The following SLCO5A1 variants were observed in gnomAD, a reference collection of about 807,000 sequenced individuals.
SLCO5A1 encodes the protein organic anion transporter polypeptide-related protein 4.
In SLCO5A1, 39 loss-of-function variants were observed where a neutral mutation model predicts 65.1. That is an observed-to-expected ratio of 0.60 (90% CI 0.46 to 0.78). The LOEUF (loss-of-function observed/expected upper bound fraction) is 0.78. Among genes scored for constraint, SLCO5A1 ranks in the 30% least tolerant of loss-of-function variants. The pLI is 0.00. For synonymous variants in SLCO5A1, 438 were observed against 415.7 expected, an observed-to-expected ratio of 1.05 and a Z score of -0.65; for missense variants, 1,029 against 1,069.4, an observed-to-expected ratio of 0.96 and a Z score of 0.53.
At chr8:69,705,310 AGTACTGAG>A (rs1156845943) in intron 5 of SLCO5A1, 81 bp from the exon 6 acceptor site, 4 of 1,372,016 alleles carry the variant, frequency 2.9e-6, no homozygotes, top group Non-Finnish European at 4.0e-6. Context: ...CTTGCTCAGT[AGTACTGAG>A]GTAAAAAATC....
chr8:69,767,909 AAAC>A (rs1428844534), intron 2 of SLCO5A1, among the ~76,000 whole-genome samples: 5,679 of 140,448 alleles, frequency 0.04, 413 homozygotes, highest in African/African-American at 0.12. Flanking sequence ...AAAAAAAAAA[AAAC>A]AAAAAGAAAA....
At chr8:69,693,334 G>A (rs940858473) in intron 6 of SLCO5A1, among the ~76,000 whole-genome samples, 1 of 152,122 alleles carries the variant, frequency 6.6e-6, no homozygotes, top group Admixed American at 6.5e-5. Context: ...GGCTTCACAG[G>A]AAAAGCTCAT....
At chr8:69,784,437 G>A (rs1818923708) in intron 2 of SLCO5A1, among the ~76,000 whole-genome samples, 1 of 152,152 alleles carries the variant, frequency 6.6e-6, no homozygotes. Flanking sequence ...TACATCGCTG[G>A]TGGGAATGCA....
intron 6 of SLCO5A1, among the ~76,000 whole-genome samples, chr8:69,688,227 A>T (rs1048671815): frequency 1.3e-5 from 2 of 152,208 alleles, no homozygotes; most frequent in African/African-American, 4.8e-5. Context: ...ATCCAAAAAC[A>T]TGTATGTCTA....
intron 5 of SLCO5A1, among the ~76,000 whole-genome samples, chr8:69,710,180 G>A (rs1321512881): frequency 6.6e-6 from 1 of 151,892 alleles, no homozygotes; most frequent in Non-Finnish European, 1.5e-5. Flanking sequence ...AACCACGACC[G>A]GCTAATTTTT....
intron 3 of SLCO5A1, among the ~76,000 whole-genome samples, chr8:69,757,082 A>C (rs1817569461): frequency 6.6e-6 from 1 of 152,280 alleles, no homozygotes; most frequent in Non-Finnish European, 1.5e-5. Context: ...TAATGTTTCT[A>C]TTAAAGTGCT....
chr8:69,784,911 AAAGAAAGAAAGAAAG>A (rs1255361375), intron 2 of SLCO5A1, among the ~76,000 whole-genome samples: 1 of 112,934 alleles, frequency 8.9e-6, no homozygotes, highest in Non-Finnish European at 1.8e-5. Flanking sequence ...AGAAAGAAAG[AAAGAAAGAAAGAAAG>A]AAAGAAAGAA....
chr8:69,691,284 C>G (rs1322858559), intron 6 of SLCO5A1, among the ~76,000 whole-genome samples: 1 of 152,130 alleles, frequency 6.6e-6, no homozygotes, highest in East Asian at 1.9e-4. Context: ...CTCTCACGAT[C>G]TTTCAAAATG....
intron 2 of SLCO5A1, among the ~76,000 whole-genome samples, chr8:69,822,091 G>A (rs368108102): frequency 4.5e-4 from 68 of 151,218 alleles, no homozygotes; most frequent in African/African-American, 1.3e-3. Context: ...GTGCCATTGC[G>A]CTCCAGCCTG....
intron 2 of SLCO5A1, among the ~76,000 whole-genome samples, chr8:69,826,420 A>C (rs1327679527): frequency 1.1e-4 from 17 of 152,014 alleles, no homozygotes; most frequent in East Asian, 3.9e-4. Context: ...CAATGAACTC[A>C]AACAAATTTA....
intron 2 of SLCO5A1, among the ~76,000 whole-genome samples, chr8:69,802,699 C>T (rs1225846463): frequency 1.3e-5 from 2 of 152,092 alleles, no homozygotes; most frequent in Non-Finnish European, 2.9e-5. Flanking sequence ...ACACACCAAA[C>T]ATTTTCCTAC....
intron 1 of SLCO5A1, chr8:69,833,724 C>T (rs1418417854): frequency 6.6e-6 from 1 of 152,178 alleles, no homozygotes; most frequent in East Asian, 1.9e-4. Context: ...CTGTCTGCTC[C>T]ACCAGAGACA....
chr8:69,808,058 T>C (rs1038251874), intron 2 of SLCO5A1, among the ~76,000 whole-genome samples: 1 of 148,810 alleles, frequency 6.7e-6, no homozygotes, highest in African/African-American at 2.5e-5. Flanking sequence ...TTATACACTG[T>C]CCCACATTTT....
At chr8:69,761,670 A>T in intron 3 of SLCO5A1, 73 bp downstream of exon 3, 1 of 1,528,042 alleles carries the variant, frequency 6.5e-7, no homozygotes, top group Non-Finnish European at 8.8e-7. Context: ...GAAAAATTTT[A>T]AATACAAGTG....
chr8:69,760,745 A>G (rs912314152), intron 3 of SLCO5A1, among the ~76,000 whole-genome samples: 20 of 152,328 alleles, frequency 1.3e-4, no homozygotes, highest in Admixed American at 1.2e-3. Context: ...ATCATGTTCA[A>G]GTTGAGGACT....
At chr8:69,784,944 AAG>A (rs751602768) in intron 2 of SLCO5A1, among the ~76,000 whole-genome samples, 11 of 148,278 alleles carry the variant, frequency 7.4e-5, no homozygotes, top group Non-Finnish European at 1.5e-4. Context: ...GAAAGAAAGA[AAG>A]AAAGAAGAAA....
chr8:69,710,177 A>C (rs2959572), intron 5 of SLCO5A1, among the ~76,000 whole-genome samples: 91,192 of 151,784 alleles, frequency 0.6, 27,605 homozygotes, highest in South Asian at 0.72. Context: ...GGCAACCACG[A>C]CCGGCTAATT....
At chr8:69,748,083 C>T (rs564760693) in intron 4 of SLCO5A1, among the ~76,000 whole-genome samples, 1 of 152,256 alleles carries the variant, frequency 6.6e-6, no homozygotes, top group Non-Finnish European at 1.5e-5. Context: ...TCCTCCCTCC[C>T]CTCCAAAACA....
At chr8:69,789,402 G>A (rs1025481535) in intron 2 of SLCO5A1, among the ~76,000 whole-genome samples, 1 of 152,352 alleles carries the variant, frequency 6.6e-6, no homozygotes, top group East Asian at 1.9e-4. Context: ...TAGGCAAGAA[G>A]TGTTATCTCC....
Sources: gnomAD v4.1 joint callset for allele counts (sites outside exome capture counted in the v4.1 genomes callset) on GRCh38, gnomAD v4.1.1 for gene constraint, MANE v1.5 for transcripts, NCBI Gene and HGNC (gene_info 2026-07-23, HGNC 2026-07-21) for gene names.